Variants in SLCO2A1 observed in about 807,000 individuals in gnomAD.
The protein encoded by SLCO2A1 is matrin F/G 1.
In SLCO2A1, 60 loss-of-function variants were observed where a neutral mutation model predicts 71.7. The observed-to-expected ratio is 0.84, with a 90% CI of 0.68 to 1.04. The LOEUF (loss-of-function observed/expected upper bound fraction) is 1.04. SLCO2A1 is among the 50% of genes least tolerant of loss of function. SLCO2A1 has a pLI of 0.00. For synonymous variants in SLCO2A1, 308 were observed against 326.7 expected, an observed-to-expected ratio of 0.94 and a Z score of 0.62; for missense variants, 745 against 813.4, an observed-to-expected ratio of 0.92 and a Z score of 1.02.
At chr3:134,025,444 A>G (rs181677051) in intron 1 of SLCO2A1, among the ~76,000 whole-genome samples, 24 of 152,244 alleles carry the variant, frequency 1.6e-4, no homozygotes, top group Admixed American at 4.6e-4. Context: ...ATATGAGTAA[A>G]GTGCTAGCCA....
intron 6 of SLCO2A1, among the ~76,000 whole-genome samples, chr3:133,949,754 A>G (rs923582086): frequency 2.0e-5 from 3 of 152,224 alleles, no homozygotes; most frequent in African/African-American, 4.8e-5. Context: ...TAGCTGGAGC[A>G]CTGTAAAGAA....
chr3:133,993,875 C>A (rs1427551187), intron 1 of SLCO2A1, among the ~76,000 whole-genome samples: 1 of 152,154 alleles, frequency 6.6e-6, no homozygotes, highest in Non-Finnish European at 1.5e-5. Flanking sequence ...TTTTTTCTTG[C>A]ATCCTGGAAG....
chr3:133,957,747 G>A (rs963316611), intron 3 of SLCO2A1, among the ~76,000 whole-genome samples: 1 of 152,204 alleles, frequency 6.6e-6, no homozygotes, highest in Non-Finnish European at 1.5e-5. Flanking sequence ...AGTACAGGGA[G>A]TTAAGAAATT....
At chr3:133,983,919 C>T (rs940521589) in intron 1 of SLCO2A1, among the ~76,000 whole-genome samples, 17 of 152,160 alleles carry the variant, frequency 1.1e-4, no homozygotes, top group South Asian at 2.1e-4. Flanking sequence ...ACCGATTCAA[C>T]GTGAAAGAAG....
intron 3 of SLCO2A1, among the ~76,000 whole-genome samples, chr3:133,970,051 C>T (rs552815504): frequency 5.3e-5 from 8 of 152,326 alleles, no homozygotes; most frequent in East Asian, 1.9e-4. Context: ...CTTCAGATGT[C>T]CCCAGGCCAT....
At chr3:134,002,528 T>C (rs1356401013) in intron 1 of SLCO2A1, among the ~76,000 whole-genome samples, 1 of 152,238 alleles carries the variant, frequency 6.6e-6, no homozygotes, top group Non-Finnish European at 1.5e-5. Context: ...GCCACCAGAA[T>C]ATCACAGCCG....
chr3:134,027,636 C>T (rs1419519128), intron 1 of SLCO2A1, among the ~76,000 whole-genome samples: 1 of 152,198 alleles, frequency 6.6e-6, no homozygotes, highest in African/African-American at 2.4e-5. Context: ...GTGGCTCGTC[C>T]TGCTACACCA....
chr3:133,999,142 C>T (rs1395842910), intron 1 of SLCO2A1, among the ~76,000 whole-genome samples: 1 of 152,200 alleles, frequency 6.6e-6, no homozygotes, highest in Non-Finnish European at 1.5e-5. Flanking sequence ...GAGCCTCTCT[C>T]TACCATCACA....
chr3:134,026,811 A>G (rs1054901360), intron 1 of SLCO2A1, among the ~76,000 whole-genome samples: 2 of 152,218 alleles, frequency 1.3e-5, no homozygotes, highest in Non-Finnish European at 2.9e-5. Flanking sequence ...TGCTGCCTAC[A>G]TATAGATAAT....
chr3:133,996,547 G>A (rs969901558), intron 1 of SLCO2A1, among the ~76,000 whole-genome samples: 7 of 152,164 alleles, frequency 4.6e-5, no homozygotes, highest in Admixed American at 2.0e-4. Context: ...TGAACCTCAC[G>A]ACACTGGCAG....
At position 134,029,676 on chromosome 3, in the gene SLCO2A1, C is replaced by T. The variant is rs1434072459; in HGVS notation, c.96+31G>A. 2.6e-6 allele frequency: 4 copies of T among 1,535,638 alleles called. No individual in the cohort carries two copies. The South Asian group carries it at 3.5e-5, about 14-fold the overall frequency. On this transcript the variant is annotated intron_variant, in intron 1 of 13. Transcript: ENST00000310926. ...GCCGAAGGTGCGCCAGGCGCGGCTC[C>T]GGCCCGGAAGACCCCGCGGACTCCG...
At chr3:133,993,159 TG>T (rs1336765805) in intron 1 of SLCO2A1, among the ~76,000 whole-genome samples, 1 of 152,232 alleles carries the variant, frequency 6.6e-6, no homozygotes. Context: ...CGCTGACCTG[TG>T]CTCCCCCTCC....
intron 1 of SLCO2A1, among the ~76,000 whole-genome samples, chr3:134,029,473 A>AACACAC (rs146731617): frequency 0.047 from 6,978 of 149,966 alleles, 536 homozygotes; most frequent in African/African-American, 0.16. Context: ...AAGGCGTGTG[A>AACACAC]ACACACACAC....
Position 133,935,811 on chromosome 3 carries a change from C to T in SLCO2A1, c.1777G>A (p.Ala593Thr), listed in dbSNP as rs941521347. 12 of 1,611,088 alleles carry T rather than the reference C, an allele frequency of 7.4e-6. No homozygotes were observed. Among genetic ancestry groups the T allele is most frequent in the Non-Finnish European group, 1.0e-5 (12 of 1,178,126 alleles). The change falls in exon 13 of 14, where the codon GCC becomes ACC. Residue 593 changes from alanine (A) to threonine (T), a missense_variant. Ala to Thr is a moderately conservative substitution (Grantham distance 58). Transcript: ENST00000310926. ...GCATCGTTGTCATAGTAGGCGCAGGCCCCTCGCCTCCCCAAGCACAGCGAG... is the reference window on the plus strand; with the variant it reads ...GCATCGTTGTCATAGTAGGCGCAGGTCCCTCGCCTCCCCAAGCACAGCGAG... ...WNSLCLGRRG[A>T]CAYYDNDALR...
Position 133,954,969 on chromosome 3 carries a change from T to C in SLCO2A1, c.622A>G (p.Ile208Val), listed in dbSNP as rs752566326. The C allele has an allele frequency of 3.7e-6, 6 of 1,613,492 alleles. No individual in the cohort carries two copies. Among genetic ancestry groups the C allele is most frequent in the Non-Finnish European group, 5.1e-6 (6 of 1,179,588 alleles). The change falls in exon 4 of 14, where the codon ATC becomes GTC. Residue 208 changes from isoleucine (I) to valine (V), a missense_variant. Coordinates refer to ENST00000310926, the MANE Select transcript of SLCO2A1 (RefSeq NM_005630.3). ...CCTCTTCAAGCCGGTGACTCACAGA[T>C]GTACAGGGGCGAGTTGCTGGGCTCT... ...FSEPSNSPLY[I>V]SILFAISVFG...
At chr3:133,990,596 G>C (rs1934820114) in intron 1 of SLCO2A1, among the ~76,000 whole-genome samples, 1 of 152,090 alleles carries the variant, frequency 6.6e-6, no homozygotes. Context: ...TGCCTGGTGT[G>C]TCTCCAACAG....
chr3:134,014,109 T>G (rs997297016), intron 1 of SLCO2A1, among the ~76,000 whole-genome samples: 3 of 152,154 alleles, frequency 2.0e-5, no homozygotes, highest in Non-Finnish European at 4.4e-5. Flanking sequence ...GACTGATGTT[T>G]GGGTAAACAA....
intron 1 of SLCO2A1, among the ~76,000 whole-genome samples, chr3:134,021,272 GA>G (rs1935570635): frequency 6.6e-6 from 1 of 152,148 alleles, no homozygotes; most frequent in South Asian, 2.1e-4. Context: ...GAACTATGTT[GA>G]AAAATTTCAA....
chr3:133,998,171 A>G (rs2108068065), intron 1 of SLCO2A1, among the ~76,000 whole-genome samples: 1 of 152,180 alleles, frequency 6.6e-6, no homozygotes, highest in Non-Finnish European at 1.5e-5. Context: ...CAGGCTTCCC[A>G]TTTCATCTTT....
Sources: gnomAD v4.1 joint callset for allele counts (sites outside exome capture counted in the v4.1 genomes callset) on GRCh38, gnomAD v4.1.1 for gene constraint, MANE v1.5 for transcripts, NCBI Gene and HGNC (gene_info 2026-07-23, HGNC 2026-07-21) for gene names.